KRT86: variants seen among roughly 807,000 people sequenced by gnomAD.
KRT86 encodes keratin, type II cuticular Hb6.
In KRT86, 30 loss-of-function variants were observed where a neutral mutation model predicts 41.2. The ratio of observed to expected loss-of-function variants is 0.73; its 90% CI spans 0.54 to 0.99. KRT86 has a LOEUF of 0.99. Ranked by LOEUF, KRT86 falls within the 50% of genes least tolerant of loss-of-function variation. The probability of loss-of-function intolerance (pLI) is 0.00; values close to 1 mark genes in which losing one functional copy is unlikely to be tolerated. For missense variants in KRT86, 561 were observed against 571.4 expected (o/e 0.98, Z 0.19); for synonymous variants, 238 against 238.1 (o/e 1.00, Z 0.00).
At chr12:52,288,376 C>G (rs773147228) in intron 2 of KRT86, 1 of 1,614,028 alleles carries the variant, frequency 6.2e-7, no homozygotes, top group Non-Finnish European at 8.5e-7. Flanking sequence ...CATACAGCCG[C>G]CTCAGGAAGT....
chr12:52,307,930 T>C (rs962998040), intron 9 of KRT86, among the ~76,000 whole-genome samples: 4 of 152,238 alleles, frequency 2.6e-5, no homozygotes, highest in Non-Finnish European at 5.9e-5. Context: ...ACGCTTCTTA[T>C]TTGATTCAGT....
intron 2 of KRT86, chr12:52,287,476 G>T: frequency 3.1e-6 from 5 of 1,594,358 alleles, no homozygotes; most frequent in Non-Finnish European, 4.3e-6. Flanking sequence ...CACGACCAGG[G>T]ACTCTACATG....
intron 2 of KRT86, chr12:52,286,206 A>G: frequency 6.7e-7 from 1 of 1,490,016 alleles, no homozygotes; most frequent in Non-Finnish European, 9.2e-7. Context: ...TGGGCCAAGC[A>G]AGGCAGGGCA....
chr12:52,302,093 C>A lies in KRT86; in HGVS notation c.177C>A (p.Cys59Ter), dbSNP rs766845192. The change falls in exon 3 of 11, where the codon TGC (cysteine) becomes TGA (stop). Residue 59 changes from cysteine (C) to a stop codon, truncating the protein, a stop_gained. Transcript: ENST00000423955. LOFTEE classifies it high-confidence loss of function. The part of the protein sequence containing the change: ...SVCGGFRAGS[C>*]GRSFGYRSGG... ...GCGGAGGCTTTCGGGCCGGCTCCTG[C>A]GGACGCAGCTTCGGCTACCGCTCCG... 7.6e-6 allele frequency: 12 copies of A among 1,580,138 alleles called. No individual in the cohort carries two copies. Among genetic ancestry groups the A allele is most frequent in the Admixed American group, 1.8e-5 (1 of 55,840 alleles).
At chr12:52,283,317 A>G (rs985125687) in intron 2 of KRT86, among the ~76,000 whole-genome samples, 12 of 136,402 alleles carry the variant, frequency 8.8e-5, no homozygotes, top group African/African-American at 3.3e-4. Context: ...TGCTTGAACT[A>G]GTGAGGTGGA....
chr12:52,287,876 C>T (rs1231976377), intron 2 of KRT86: 1 of 1,604,880 alleles, frequency 6.2e-7, no homozygotes, highest in East Asian at 2.2e-5. Context: ...GCAGCCCTCT[C>T]TTCTCATCCC....
At chr12:52,285,499 C>T (rs1019787685) in intron 2 of KRT86, among the ~76,000 whole-genome samples, 2 of 152,178 alleles carry the variant, frequency 1.3e-5, no homozygotes, top group Admixed American at 1.3e-4. Context: ...GATGTTGCCT[C>T]AAGCTTTGAG....
At chr12:52,288,948 C>T (rs1360956605) in intron 2 of KRT86, among the ~76,000 whole-genome samples, 15 of 145,648 alleles carry the variant, frequency 1.0e-4, no homozygotes, top group Middle Eastern at 3.5e-3. Context: ...CAGCAATAGA[C>T]CACAACCTCT....
intron 2 of KRT86, among the ~76,000 whole-genome samples, chr12:52,298,372 T>C (rs1159369627): frequency 6.6e-6 from 1 of 152,268 alleles, no homozygotes; most frequent in Non-Finnish European, 1.5e-5. Context: ...CTGTTAAACA[T>C]TGTCCATGCA....
At chr12:52,282,543 G>T in intron 2 of KRT86, among the ~76,000 whole-genome samples, 1 of 152,302 alleles carries the variant, frequency 6.6e-6, no homozygotes. Context: ...GCCAAGTTTT[G>T]AGCCCCTTTA....
chr12:52,279,797 C>A (rs552610485), intron 2 of KRT86, among the ~76,000 whole-genome samples: 1 of 152,300 alleles, frequency 6.6e-6, no homozygotes, highest in East Asian at 1.9e-4. Flanking sequence ...GCCTGGGGCC[C>A]ATAGCTTCTG....
chr12:52,295,539 T>C (rs1373455642), intron 2 of KRT86, among the ~76,000 whole-genome samples: 3 of 152,180 alleles, frequency 2.0e-5, no homozygotes, highest in Non-Finnish European at 4.4e-5. Context: ...CCCCATGCCC[T>C]CTGCAGGGCC....
At chr12:52,279,011 T>A (rs887844674) in intron 2 of KRT86, 1 of 152,310 alleles carries the variant, frequency 6.6e-6, no homozygotes, top group Non-Finnish European at 1.5e-5. Context: ...GGAGGAGATG[T>A]CTGCAAGTCT....
rs560345413 is a variant in KRT86, at chr12:52,279,782, G to C, written c.-5+3836G>C. Among the ~76,000 whole-genome samples, 14 of 152,310 alleles carry C rather than the reference G, an allele frequency of 9.2e-5. No individual in the cohort carries two copies. The East Asian group carries it at 2.7e-3, about 29-fold the overall frequency. ...AGAAAGGGTTCATTCATGCAGAAGA[G>C]TCTAGCCTGGGGCCCATAGCTTCTG... On this transcript the variant is annotated intron_variant, in intron 2 of 10. Coordinates refer to ENST00000423955, the MANE Select transcript of KRT86 (RefSeq NM_001320198.2).
chr12:52,277,322 C>A (rs142488861), intron 2 of KRT86, among the ~76,000 whole-genome samples: 208 of 152,030 alleles, frequency 1.4e-3, no homozygotes, highest in African/African-American at 4.9e-3. Context: ...TGGGCAGGTT[C>A]TTTTCATCTT....
chr12:52,305,914 T>C (rs1938503590), intron 8 of KRT86, 126 bp downstream of exon 8: 2 of 1,582,814 alleles, frequency 1.3e-6, no homozygotes, highest in Admixed American at 1.8e-5. Flanking sequence ...GAGTCCCTGG[T>C]TGTGGTCTCT....
intron 2 of KRT86, chr12:52,287,351 T>A (rs542454997): frequency 1.2e-6 from 2 of 1,613,216 alleles, no homozygotes; most frequent in East Asian, 4.5e-5. Context: ...ACAAGGTAGA[T>A]TAGAGTCCCT....
In KRT86 at chr12:52,308,483, C is replaced by T; in HGVS notation, c.1359C>T (p.Val453=). The T allele has an allele frequency of 1.2e-6, 2 of 1,610,266 alleles. No homozygotes were observed. The highest frequency in any genetic ancestry group is 2.2e-5 in the South Asian group (2 of 91,076). ...STTAPVVSTR[V]SSVPSNSNVV... ...CTGCCCCTGTTGTCTCCACCAGAGT[C>T]AGTAGCGTCCCCAGCAACAGCAACG... is the stretch of plus-strand genomic sequence containing the variant. The change falls in exon 11 of 11, where the codon GTC becomes GTT. Residue 453 remains valine (V), a synonymous_variant. Transcript: ENST00000423955.
At chr12:52,291,396 G>T (rs549397349) in intron 2 of KRT86, 16 of 1,609,230 alleles carry the variant, frequency 9.9e-6, no homozygotes, top group Non-Finnish European at 1.3e-5. Flanking sequence ...ATGCAGCAGC[G>T]GCCGGGCCGC....
Sources: gnomAD v4.1 joint callset for allele counts (sites outside exome capture counted in the v4.1 genomes callset) on GRCh38, gnomAD v4.1.1 for gene constraint, MANE v1.5 for transcripts, NCBI Gene and HGNC (gene_info 2026-07-23, HGNC 2026-07-21) for gene names.